The following SEZ6L variants were observed in gnomAD, a reference collection of about 807,000 sequenced individuals.
The protein encoded by SEZ6L is seizure 6-like protein.
SEZ6L carries 37 observed loss-of-function variants against 106.2 expected under a neutral mutation model. That is an observed-to-expected ratio of 0.35 (90% CI 0.27 to 0.46). SEZ6L has a LOEUF of 0.46. Among genes scored for constraint, SEZ6L ranks in the 20% least tolerant of loss-of-function variants. The pLI, the probability that SEZ6L is intolerant of heterozygous loss-of-function variation, is 1.00. For synonymous variants in SEZ6L, 541 were observed against 570.4 expected, an observed-to-expected ratio of 0.95 and a Z score of 0.73; for missense variants, 1,172 against 1,332.8, an observed-to-expected ratio of 0.88 and a Z score of 1.88.
At chr22:26,367,656 G>C (rs2083867208) in intron 13 of SEZ6L, among the ~76,000 whole-genome samples, 1 of 152,002 alleles carries the variant, frequency 6.6e-6, no homozygotes, top group Non-Finnish European at 1.5e-5. Context: ...CCCCTGCTTA[G>C]AGAACCCTGC....
chr22:26,292,988 C>T lies in SEZ6L; in HGVS notation c.677C>T (p.Pro226Leu). The T allele has an allele frequency of 6.2e-7, 1 of 1,614,044 alleles. No individual in the cohort carries two copies. The highest frequency in any genetic ancestry group is 1.7e-5 in the Admixed American group (1 of 59,982). ...PQRPEPGEPG[P>L]DMAQEAPQED... ...AGGCCAGAACCCGGGGAGCCTGGGCCTGACATGGCCCAGGAGGCCCCCCAG... is the reference window on the plus strand; with the variant it reads ...AGGCCAGAACCCGGGGAGCCTGGGCTTGACATGGCCCAGGAGGCCCCCCAG... The change falls in exon 2 of 17, where the codon CCT (proline) becomes CTT (leucine). Residue 226 changes from proline (P) to leucine (L), a missense_variant. This residue lies in a region of SEZ6L where 494 missense variants were observed against 445.8 expected (regional missense o/e 1.11). Transcript: ENST00000248933.
At position 26,292,746 on chromosome 22, in the gene SEZ6L, A is replaced by T. The variant is rs1205859637; in HGVS notation, c.435A>T (p.Ala145=). ...KATSAATVQR[A]GSQPASQGLD... The stretch of plus-strand genomic sequence containing the variant: ...CCTCCGCAGCCACTGTCCAAAGGGC[A>T]GGGTCCCAGCCAGCGTCCCAGGGCC... The change falls in exon 2 of 17, where the codon GCA becomes GCT. Residue 145 remains alanine, a synonymous_variant. Coordinates refer to ENST00000248933, the MANE Select transcript of SEZ6L (RefSeq NM_021115.5). The T allele has an allele frequency of 1.2e-6, 2 of 1,614,098 alleles. No homozygotes were observed. Among genetic ancestry groups the T allele is most frequent in the South Asian group, 2.2e-5 (2 of 91,088 alleles).
intron 11 of SEZ6L, among the ~76,000 whole-genome samples, chr22:26,348,650 G>GAAAGAAAGAAAGAA (rs2083126544): frequency 3.2e-4 from 6 of 18,874 alleles, no homozygotes; most frequent in Non-Finnish European, 5.4e-4. Context: ...GAAAGAAAAA[G>GAAAGAAAGAAAGAA]AAAGAAAGAA....
intron 1 of SEZ6L, among the ~76,000 whole-genome samples, chr22:26,176,026 G>A (rs757231344): frequency 6.6e-6 from 1 of 152,226 alleles, no homozygotes; most frequent in Non-Finnish European, 1.5e-5. Flanking sequence ...CAGCATTATA[G>A]CAAATATAAC....
intron 2 of SEZ6L, among the ~76,000 whole-genome samples, chr22:26,294,000 A>G (rs1569449430): frequency 6.6e-6 from 1 of 152,088 alleles, no homozygotes; most frequent in Non-Finnish European, 1.5e-5. Context: ...GCTTTTGTTT[A>G]CTTCCCTCTA....
At chr22:26,323,222 G>C (rs2082207299) in intron 9 of SEZ6L, among the ~76,000 whole-genome samples, 1 of 152,226 alleles carries the variant, frequency 6.6e-6, no homozygotes, top group Non-Finnish European at 1.5e-5. Context: ...CACCAGCTCT[G>C]TGGCCTCAGG....
intron 11 of SEZ6L, among the ~76,000 whole-genome samples, chr22:26,348,582 GAAAGAGAA>G (rs1292007350): frequency 9.0e-5 from 7 of 78,014 alleles, no homozygotes; most frequent in African/African-American, 3.7e-4. Flanking sequence ...AAGAAAGAAA[GAAAGAGAA>G]AGAAAGAAAG....
intron 1 of SEZ6L, among the ~76,000 whole-genome samples, chr22:26,274,845 G>T (rs1421899731): frequency 6.6e-6 from 1 of 152,180 alleles, no homozygotes; most frequent in Non-Finnish European, 1.5e-5. Context: ...AGTGCCCAGG[G>T]TTTTATCTGG....
At chr22:26,240,067 G>GACACACACAC (rs67141647) in intron 1 of SEZ6L, among the ~76,000 whole-genome samples, 2 of 135,914 alleles carry the variant, frequency 1.5e-5, no homozygotes, top group African/African-American at 6.1e-5. Context: ...CACACATACA[G>GACACACACAC]ACACACACAC....
intron 13 of SEZ6L, 149 bp downstream of exon 13, chr22:26,365,715 A>G (rs2146058507): frequency 3.1e-6 from 2 of 640,110 alleles, no homozygotes; most frequent in South Asian, 4.6e-5. Context: ...CTCTACCAAA[A>G]AAAAAAAAAT....
intron 1 of SEZ6L, among the ~76,000 whole-genome samples, chr22:26,216,581 G>A (rs188152647): frequency 7.4e-4 from 113 of 152,178 alleles, no homozygotes; most frequent in Middle Eastern, 3.4e-3. Context: ...ATTTGAACCC[G>A]GGAGGCGGAG....
At chr22:26,319,329 C>T (rs1219848726) in intron 9 of SEZ6L, among the ~76,000 whole-genome samples, 1 of 152,184 alleles carries the variant, frequency 6.6e-6, no homozygotes, top group Non-Finnish European at 1.5e-5. Flanking sequence ...CTCTTTTTAA[C>T]CAACACTCAG....
intron 13 of SEZ6L, 33 bp downstream of exon 13, chr22:26,365,599 G>A (rs371357173): frequency 1.3e-5 from 20 of 1,570,258 alleles, no homozygotes; most frequent in Admixed American, 3.5e-5. Flanking sequence ...CAGGGTCCAC[G>A]GGGCCTGGAG....
chr22:26,341,049 C>G (rs992248353), intron 10 of SEZ6L, among the ~76,000 whole-genome samples: 7 of 152,196 alleles, frequency 4.6e-5, no homozygotes, highest in Non-Finnish European at 7.3e-5. Flanking sequence ...CTAATTTCTT[C>G]CCAATTTGTG....
At chr22:26,348,416 A>T (rs1480147146) in intron 11 of SEZ6L, among the ~76,000 whole-genome samples, 4 of 149,798 alleles carry the variant, frequency 2.7e-5, no homozygotes, top group African/African-American at 9.9e-5. Flanking sequence ...AGACAGAAGG[A>T]TTGCTGGAAC....
rs576549973 is a variant in SEZ6L at position 26,363,406 on chromosome 22, T to A, written c.2600-1966T>A. Among the ~76,000 whole-genome samples, 296 of 152,332 alleles carry A rather than the reference T, an allele frequency of 1.9e-3. 1 individual carries two copies. Among genetic ancestry groups the A allele is most frequent in the African/African-American group, 6.9e-3 (286 of 41,572 alleles). On this transcript the variant is annotated intron_variant, in intron 12 of 16. Coordinates refer to ENST00000248933, the MANE Select transcript of SEZ6L (RefSeq NM_021115.5). Reference sequence around the variant, plus strand: ...TGTGTCCTCAGTACTATTTATGTTGTTGGCACATAATAATTGCTCAATAAA... The same window carrying A: ...TGTGTCCTCAGTACTATTTATGTTGATGGCACATAATAATTGCTCAATAAA...
chr22:26,209,053 G>C (rs1941463132), intron 1 of SEZ6L, among the ~76,000 whole-genome samples: 1 of 151,896 alleles, frequency 6.6e-6, no homozygotes, highest in Admixed American at 6.6e-5. Context: ...AGCTCCATCA[G>C]TGAATATTTA....
intron 15 of SEZ6L, 51 bp downstream of exon 15, chr22:26,375,740 CA>C: frequency 1.4e-6 from 2 of 1,402,154 alleles, no homozygotes; most frequent in Non-Finnish European, 2.0e-6. Flanking sequence ...CACCAGTACT[CA>C]GAGGGACTGG....
At position 26,250,591 on chromosome 22, in the gene SEZ6L, A is replaced by C. The variant is rs2079541168; in HGVS notation, c.95-41815A>C. ...TTTGCAGTATATTTTGAAGTCAGGTAGTATGATGCCTCCAGCTTTGTTCTT... is the reference window on the plus strand; with the variant it reads ...TTTGCAGTATATTTTGAAGTCAGGTCGTATGATGCCTCCAGCTTTGTTCTT... On this transcript the variant is annotated intron_variant, in intron 1 of 16. Transcript: ENST00000248933. 2.6e-5 allele frequency among the ~76,000 whole-genome samples: 4 copies of C among 152,314 alleles called. No homozygotes were observed. In the South Asian group the frequency reaches 8.3e-4, roughly 32 times the overall value.
Sources: gnomAD v4.1 joint callset for allele counts (sites outside exome capture counted in the v4.1 genomes callset) on GRCh38, gnomAD v4.1.1 for gene constraint, gnomAD v4.1.1 regional missense constraint, MANE v1.5 for transcripts, NCBI Gene and HGNC (gene_info 2026-07-23, HGNC 2026-07-21) for gene names.